SLC24A2: variants seen among roughly 807,000 people sequenced by gnomAD.
The protein encoded by SLC24A2 is sodium/potassium/calcium exchanger 2.
SLC24A2 carries 36 observed loss-of-function variants against 62.0 expected under a neutral mutation model. The ratio of observed to expected loss-of-function variants is 0.58; its 90% confidence interval spans 0.44 to 0.77. SLC24A2 has a LOEUF of 0.77. Ranked by LOEUF, SLC24A2 falls within the 30% of genes least tolerant of loss-of-function variation. SLC24A2 has a pLI of 0.00. For synonymous variants in SLC24A2, 358 were observed against 294.0 expected (o/e 1.22, Z -2.23); for missense variants, 846 against 817.9 (o/e 1.03, Z -0.42).
Position 19,579,883 on chromosome 9 carries a change from TC to T in SLC24A2, c.1130-2862del, listed in dbSNP as rs1264519803. ...GAGCCATGCCCTCTGCCAGGAAGCA[TC>T]TTTCAGAATAGTGTTGGCCACTGGC... On this transcript the variant is annotated intron_variant, in intron 5 of 10. Coordinates refer to ENST00000341998, the MANE Select transcript of SLC24A2 (RefSeq NM_020344.4). Among the ~76,000 whole-genome samples, 4 of 152,294 alleles carry T rather than the reference TC, an allele frequency of 2.6e-5. No homozygotes were observed. The East Asian group carries it at 7.7e-4, about 29-fold the overall frequency.
At position 19,788,904 on chromosome 9, in the gene SLC24A2, G is replaced by T. The variant is rs1332223709; in HGVS notation, c.-173C>A. The T allele has an allele frequency of 7.1e-6, 7 of 985,256 alleles. No homozygotes were observed. In the East Asian group the frequency reaches 6.8e-4, roughly 96 times the overall value. 61.0% of individuals were successfully genotyped at this position (985,256 alleles called of 1,614,324 possible). On this transcript the variant is annotated 5_prime_UTR_variant, in exon 1 of 11. Coordinates refer to ENST00000341998, the MANE Select transcript of SLC24A2 (RefSeq NM_020344.4). ...ACTTACCAGGATAAGATGGGAGGAC[G>T]CGCACACGGCGGGGCCCCCGAGCGC...
the SLC24A2 span, among the ~76,000 whole-genome samples, chr9:19,812,094 T>G: frequency 6.6e-6 from 1 of 152,198 alleles, no homozygotes; most frequent in Non-Finnish European, 1.5e-5. Flanking sequence ...CATCTCATTA[T>G]TGTCTGGCTT....
the SLC24A2 span, among the ~76,000 whole-genome samples, chr9:19,950,857 TC>T: frequency 2.0e-5 from 3 of 151,924 alleles, no homozygotes; most frequent in Non-Finnish European, 4.4e-5. Context: ...GATTGAAACA[TC>T]CCGGAGCCTA....
At chr9:19,837,186 C>G in the SLC24A2 span, among the ~76,000 whole-genome samples, 5 of 152,038 alleles carry the variant, frequency 3.3e-5, no homozygotes, top group African/African-American at 9.7e-5. Flanking sequence ...GGTGCGGTGG[C>G]TCACGCCTGT....
At chr9:20,258,248 C>T in the SLC24A2 span, among the ~76,000 whole-genome samples, 30 of 152,266 alleles carry the variant, frequency 2.0e-4, no homozygotes, top group African/African-American at 6.5e-4. Flanking sequence ...TAAGGGATAC[C>T]CAGATAGCTG....
At chr9:20,099,599 G>C in the SLC24A2 span, among the ~76,000 whole-genome samples, 1 of 152,052 alleles carries the variant, frequency 6.6e-6, no homozygotes, top group Non-Finnish European at 1.5e-5. Flanking sequence ...TTGTATTAAA[G>C]GCCAGGCTCT....
At chr9:20,230,997 TC>T in the SLC24A2 span, among the ~76,000 whole-genome samples, 2 of 152,164 alleles carry the variant, frequency 1.3e-5, no homozygotes, top group East Asian at 3.8e-4. Context: ...GGGAATCCTT[TC>T]CCCATTGCTT....
chr9:19,943,793 T>G, the SLC24A2 span, among the ~76,000 whole-genome samples: 1 of 152,220 alleles, frequency 6.6e-6, no homozygotes, highest in African/African-American at 2.4e-5. Context: ...TTCTCTTCAC[T>G]AATACTTGAA....
intron 7 of SLC24A2, among the ~76,000 whole-genome samples, chr9:19,564,706 A>G (rs1174861132): frequency 6.6e-6 from 1 of 152,218 alleles, no homozygotes; most frequent in Non-Finnish European, 1.5e-5. Context: ...AAAAACTGCA[A>G]CACATAAAAA....
At chr9:19,978,194 T>C in the SLC24A2 span, among the ~76,000 whole-genome samples, 1 of 152,172 alleles carries the variant, frequency 6.6e-6, no homozygotes, top group Non-Finnish European at 1.5e-5. Flanking sequence ...ACAAAGCTGG[T>C]TTACAACCAT....
the SLC24A2 span, among the ~76,000 whole-genome samples, chr9:20,164,243 G>C: frequency 3.3e-5 from 5 of 151,622 alleles, no homozygotes; most frequent in South Asian, 1.0e-3. Flanking sequence ...TCTGACAAAG[G>C]GCTAATATCC....
chr9:20,073,253 G>A, the SLC24A2 span, among the ~76,000 whole-genome samples: 1 of 152,114 alleles, frequency 6.6e-6, no homozygotes. Context: ...TCTTCTTCAA[G>A]CTGTAGAAGT....
the SLC24A2 span, among the ~76,000 whole-genome samples, chr9:20,214,696 A>AGTTT: frequency 6.6e-6 from 1 of 152,240 alleles, no homozygotes; most frequent in Non-Finnish European, 1.5e-5. Context: ...AATGATAATA[A>AGTTT]GTTTGTTACA....
chr9:19,823,484 C>T, the SLC24A2 span, among the ~76,000 whole-genome samples: 1 of 152,026 alleles, frequency 6.6e-6, no homozygotes, highest in Non-Finnish European at 1.5e-5. Flanking sequence ...TAACATCAAG[C>T]TGGGCATGGT....
chr9:19,833,045 C>T, the SLC24A2 span, among the ~76,000 whole-genome samples: 4 of 152,132 alleles, frequency 2.6e-5, no homozygotes, highest in African/African-American at 7.2e-5. Flanking sequence ...AATGAGATAC[C>T]ATCTCACACC....
At chr9:19,961,231 T>G in the SLC24A2 span, among the ~76,000 whole-genome samples, 18 of 150,486 alleles carry the variant, frequency 1.2e-4, no homozygotes, top group African/African-American at 3.9e-4. Flanking sequence ...AGTATAATAA[T>G]AATAAAAAAA....
At chr9:20,109,662 G>A in the SLC24A2 span, among the ~76,000 whole-genome samples, 198 of 152,228 alleles carry the variant, frequency 1.3e-3, 1 homozygote, top group Admixed American at 5.7e-3. Context: ...ACTTGCTCCT[G>A]GTTTCCTCTG....
chr9:19,994,638 C>T, the SLC24A2 span, among the ~76,000 whole-genome samples: 1 of 152,164 alleles, frequency 6.6e-6, no homozygotes, highest in African/African-American at 2.4e-5. Flanking sequence ...TGAGGGAATG[C>T]CCAAGTTGGC....
chr9:20,243,339 T>A, the SLC24A2 span, among the ~76,000 whole-genome samples: 2 of 152,340 alleles, frequency 1.3e-5, no homozygotes, highest in South Asian at 4.1e-4. Context: ...AATGCTGACA[T>A]ACCAGCTCCT....
Sources: gnomAD v4.1 joint callset for allele counts (sites outside exome capture counted in the v4.1 genomes callset) on GRCh38, gnomAD v4.1.1 for gene constraint, MANE v1.5 for transcripts, NCBI Gene and HGNC (gene_info 2026-07-23, HGNC 2026-07-21) for gene names.